The following SCFD2 variants were observed in gnomAD, a reference collection of about 807,000 sequenced individuals.
The protein encoded by SCFD2 is sec1 family domain containing 2.
A neutral mutation model predicts 58.9 loss-of-function variants in SCFD2; 54 were observed. The ratio of observed to expected loss-of-function variants is 0.92; its 90% confidence interval spans 0.74 to 1.15. SCFD2 has a LOEUF of 1.15. Among genes scored for constraint, SCFD2 ranks in the 50% most tolerant of loss-of-function variants. The pLI, the probability that SCFD2 is intolerant of heterozygous loss-of-function variation, is 0.00. For synonymous variants in SCFD2, 321 were observed against 335.9 expected (o/e 0.96, Z 0.49); for missense variants, 805 against 836.6 (o/e 0.96, Z 0.47).
intron 3 of SCFD2, among the ~76,000 whole-genome samples, chr4:53,291,862 A>G (rs1731852221): frequency 6.6e-6 from 1 of 152,208 alleles, no homozygotes; most frequent in African/African-American, 2.4e-5. Flanking sequence ...CAAACCTGAC[A>G]AAAACAAGCA....
chr4:53,167,569 C>T (rs1285109118), intron 4 of SCFD2, among the ~76,000 whole-genome samples: 1 of 152,126 alleles, frequency 6.6e-6, no homozygotes, highest in Non-Finnish European at 1.5e-5. Context: ...TATCTAGCTC[C>T]TAGGCTTTTT....
intron 5 of SCFD2, among the ~76,000 whole-genome samples, chr4:53,059,271 C>T (rs2148838697): frequency 6.6e-6 from 1 of 152,230 alleles, no homozygotes; most frequent in South Asian, 2.1e-4. Flanking sequence ...AGAGAGGTGT[C>T]ATTAGCCCTA....
chr4:52,901,062 A>G (rs944334408), intron 7 of SCFD2, among the ~76,000 whole-genome samples: 35 of 152,156 alleles, frequency 2.3e-4, no homozygotes, highest in African/African-American at 8.2e-4. Flanking sequence ...TTGACTAGGA[A>G]AGGAAACTCC....
intron 4 of SCFD2, among the ~76,000 whole-genome samples, chr4:53,244,809 G>A (rs1450609900): frequency 5.2e-5 from 7 of 133,504 alleles, no homozygotes; most frequent in African/African-American, 1.7e-4. Context: ...CCCAAGCCTT[G>A]GGGTATTTCT....
intron 5 of SCFD2, among the ~76,000 whole-genome samples, chr4:53,081,991 A>G (rs1577711968): frequency 6.6e-6 from 1 of 152,312 alleles, no homozygotes; most frequent in South Asian, 2.1e-4. Context: ...TTAATGTAGC[A>G]TAATGTTTTT....
At chr4:53,302,108 C>T (rs368660044) in intron 3 of SCFD2, among the ~76,000 whole-genome samples, 4 of 152,074 alleles carry the variant, frequency 2.6e-5, no homozygotes, top group South Asian at 2.1e-4. Flanking sequence ...CCAGGGCAAT[C>T]AGGCAGGAGA....
intron 5 of SCFD2, among the ~76,000 whole-genome samples, chr4:53,008,676 A>G (rs1722032370): frequency 6.6e-6 from 1 of 152,188 alleles, no homozygotes; most frequent in African/African-American, 2.4e-5. Flanking sequence ...AAATAATGAA[A>G]GCTTTCTAGA....
At chr4:53,295,936 C>T (rs777473691) in intron 3 of SCFD2, among the ~76,000 whole-genome samples, 7 of 152,138 alleles carry the variant, frequency 4.6e-5, no homozygotes, top group Non-Finnish European at 8.8e-5. Flanking sequence ...TGATGGATTA[C>T]GTTTATTGAT....
At chr4:53,188,105 G>A (rs1727787970) in intron 4 of SCFD2, among the ~76,000 whole-genome samples, 1 of 152,026 alleles carries the variant, frequency 6.6e-6, no homozygotes, top group Non-Finnish European at 1.5e-5. Context: ...TATGCTTAAT[G>A]GTTAAATGGC....
intron 4 of SCFD2, among the ~76,000 whole-genome samples, chr4:53,233,051 C>T (rs961038351): frequency 6.6e-6 from 1 of 152,158 alleles, no homozygotes; most frequent in Non-Finnish European, 1.5e-5. Flanking sequence ...ATTCTGCCAG[C>T]CTAGGCATAG....
intron 4 of SCFD2, among the ~76,000 whole-genome samples, chr4:53,238,439 C>G (rs1276239911): frequency 6.7e-6 from 1 of 148,530 alleles, no homozygotes; most frequent in Non-Finnish European, 1.5e-5. Flanking sequence ...GGGCGGCTGG[C>G]CGGGCAGGGG....
At chr4:53,209,700 G>A (rs1354192475) in intron 4 of SCFD2, among the ~76,000 whole-genome samples, 1 of 151,702 alleles carries the variant, frequency 6.6e-6, no homozygotes, top group African/African-American at 2.4e-5. Context: ...ATAGTATAAA[G>A]AAGTGACATA....
At chr4:53,123,352 G>A (rs1453620024) in intron 5 of SCFD2, among the ~76,000 whole-genome samples, 17 of 152,136 alleles carry the variant, frequency 1.1e-4, no homozygotes, top group Non-Finnish European at 8.8e-5. Flanking sequence ...CTCACTCCCA[G>A]GCTAGGTTTT....
At chr4:53,329,593 G>A (rs1289233288) in intron 2 of SCFD2, among the ~76,000 whole-genome samples, 9 of 151,922 alleles carry the variant, frequency 5.9e-5, no homozygotes, top group Non-Finnish European at 8.8e-5. Flanking sequence ...AAACCCATCT[G>A]TACATCACCA....
At chr4:52,881,649 A>ACC (rs1365803786) in intron 8 of SCFD2, among the ~76,000 whole-genome samples, 1 of 152,198 alleles carries the variant, frequency 6.6e-6, no homozygotes, top group Admixed American at 6.5e-5. Context: ...TCCAAAGAGC[A>ACC]CCCACACAGC....
chr4:52,990,569 T>A (rs1299939758), intron 5 of SCFD2, among the ~76,000 whole-genome samples: 1 of 152,176 alleles, frequency 6.6e-6, no homozygotes, highest in Non-Finnish European at 1.5e-5. Context: ...GACGTGCAGA[T>A]GGTTTAAGCA....
At chr4:53,210,271 G>T (rs1378335572) in intron 4 of SCFD2, among the ~76,000 whole-genome samples, 1 of 152,050 alleles carries the variant, frequency 6.6e-6, no homozygotes, top group Non-Finnish European at 1.5e-5. Flanking sequence ...ATACAAAGAG[G>T]CTCAGAAGGG....
chr4:52,993,900 CGAT>C (rs1577646767), intron 5 of SCFD2, among the ~76,000 whole-genome samples: 1 of 152,248 alleles, frequency 6.6e-6, no homozygotes, highest in Admixed American at 6.5e-5. Flanking sequence ...GTTGTCAAAA[CGAT>C]GACTGGGGGC....
intron 3 of SCFD2, among the ~76,000 whole-genome samples, chr4:53,276,948 C>T (rs1389856401): frequency 2.0e-5 from 3 of 152,146 alleles, no homozygotes; most frequent in Admixed American, 6.5e-5. Flanking sequence ...TCATGTGTGT[C>T]TTTTGCCATC....
Sources: allele counts gnomAD v4.1 joint callset (sites outside exome capture counted in the v4.1 genomes callset), GRCh38; gene constraint gnomAD v4.1.1; transcripts MANE v1.5; gene names NCBI Gene and HGNC (gene_info 2026-07-23, HGNC 2026-07-21).